GABRG3: variants seen among roughly 807,000 people sequenced by gnomAD.
The protein encoded by GABRG3 is gamma-aminobutyric acid type A receptor subunit gamma3.
GABRG3 carries 25 observed loss-of-function variants against 48.8 expected under a neutral mutation model. The observed-to-expected ratio is 0.51, with a 90% CI of 0.37 to 0.72. The LOEUF is 0.72. GABRG3 is among the 30% of genes least tolerant of loss of function. The pLI is 0.00. For missense variants in GABRG3, 394 were observed against 577.9 expected (o/e 0.68, Z 3.26); for synonymous variants, 227 against 217.6 (o/e 1.04, Z -0.38).
rs1307876293 is a variant in GABRG3, at chr15:27,447,830, A to G, written c.575-32820A>G. ...AACACATGGACACAGGGAGGGGAAC[A>G]TCACACACCAGGGCCTGTCAGGGGT... is the stretch of plus-strand genomic sequence containing the variant. On this transcript the variant is annotated intron_variant, in intron 5 of 9. Coordinates refer to ENST00000615808, the MANE Select transcript of GABRG3 (RefSeq NM_033223.5). This position sits in a 1 kb window ranked among gnomAD's most constrained non-coding sequence, Gnocchi z 4.0. Among the ~76,000 whole-genome samples, 7 of 152,140 alleles carry G rather than the reference A, an allele frequency of 4.6e-5. No homozygotes were observed. Among genetic ancestry groups the G allele is most frequent in the Non-Finnish European group, 8.8e-5 (6 of 68,020 alleles).
At chr15:27,393,284 C>T (rs112024342) in intron 5 of GABRG3, among the ~76,000 whole-genome samples, 3 of 149,026 alleles carry the variant, frequency 2.0e-5, no homozygotes, top group African/African-American at 7.5e-5. Flanking sequence ...GTGGAGCTTG[C>T]AGTGAGCTGA....
At chr15:27,094,521 T>G (rs1024203845) in intron 3 of GABRG3, among the ~76,000 whole-genome samples, 6 of 152,190 alleles carry the variant, frequency 3.9e-5, no homozygotes, top group African/African-American at 1.4e-4. Context: ...CCTTCCTGGA[T>G]TCTAAGAAAA....
At chr15:27,354,907 A>G (rs1173040181) in intron 5 of GABRG3, among the ~76,000 whole-genome samples, 2 of 152,220 alleles carry the variant, frequency 1.3e-5, no homozygotes, top group East Asian at 3.9e-4. Context: ...AAGATTCCTA[A>G]ATGAACATTT....
intron 3 of GABRG3, among the ~76,000 whole-genome samples, chr15:27,086,232 G>A (rs1049830394): frequency 1.6e-4 from 25 of 152,014 alleles, no homozygotes; most frequent in African/African-American, 4.6e-4. Flanking sequence ...TTCCCTAGGA[G>A]CAGGAGGAGG....
At chr15:27,099,602 C>T (rs528551119) in intron 3 of GABRG3, among the ~76,000 whole-genome samples, 24 of 152,100 alleles carry the variant, frequency 1.6e-4, no homozygotes, top group African/African-American at 5.1e-4. Flanking sequence ...CTTTAACATT[C>T]GAATTTTGGA....
intron 3 of GABRG3, among the ~76,000 whole-genome samples, chr15:27,166,233 AC>A (rs1442289424): frequency 1.3e-5 from 2 of 152,190 alleles, no homozygotes; most frequent in Admixed American, 1.3e-4. Flanking sequence ...TTCAGAAATA[AC>A]AGAGGGGAAA....
chr15:27,050,391 C>T (rs1036348016), intron 3 of GABRG3, among the ~76,000 whole-genome samples: 2 of 152,182 alleles, frequency 1.3e-5, no homozygotes, highest in African/African-American at 4.8e-5. Flanking sequence ...GTCCCTTTCT[C>T]GCAGGCACAG....
At chr15:27,370,357 G>A (rs1895367919) in intron 5 of GABRG3, among the ~76,000 whole-genome samples, 1 of 152,206 alleles carries the variant, frequency 6.6e-6, no homozygotes, top group Admixed American at 6.5e-5. Flanking sequence ...TAGCCACTTA[G>A]CCTGCTCATG....
At chr15:27,336,185 G>A (rs774791587) in intron 5 of GABRG3, among the ~76,000 whole-genome samples, 18 of 144,414 alleles carry the variant, frequency 1.2e-4, no homozygotes, top group Middle Eastern at 3.5e-3. Flanking sequence ...GCAAGAGTCA[G>A]TATGAAAAGA....
intron 3 of GABRG3, 76 bp from the exon 4 acceptor site, chr15:27,326,733 C>T (rs754790889): frequency 2.6e-5 from 31 of 1,206,186 alleles, no homozygotes; most frequent in Middle Eastern, 2.0e-4. Context: ...GAGAACACAA[C>T]GTTTGACAAA....
At chr15:27,015,026 T>G in intron 2 of GABRG3, among the ~76,000 whole-genome samples, 1 of 152,226 alleles carries the variant, frequency 6.6e-6, no homozygotes, top group East Asian at 1.9e-4. Context: ...AACAATCTTC[T>G]TTGTGTCTTG....
intron 7 of GABRG3, among the ~76,000 whole-genome samples, chr15:27,522,938 C>T (rs1007216630): frequency 1.3e-5 from 2 of 151,706 alleles, no homozygotes; most frequent in Admixed American, 1.3e-4. Flanking sequence ...CAGTCAACAA[C>T]CAAAAAGCCA....
intron 5 of GABRG3, among the ~76,000 whole-genome samples, chr15:27,337,257 CTGAT>C (rs1894006517): frequency 6.6e-6 from 1 of 152,040 alleles, no homozygotes; most frequent in Non-Finnish European, 1.5e-5. Flanking sequence ...TCATAGCTGT[CTGAT>C]TGAAATACAA....
Position 27,125,402 on chromosome 15 carries a change from G to A in GABRG3, c.270+98581G>A, listed in dbSNP as rs564194862. On this transcript the variant is annotated intron_variant, in intron 3 of 9. Coordinates refer to ENST00000615808, the MANE Select transcript of GABRG3 (RefSeq NM_033223.5). ...GTTTGTTAATGCGCACAAAGTTATA[G>A]CCAAATAGGAATGAGTGCTGCAGGG... Among the ~76,000 whole-genome samples, 12 of 152,244 alleles carry A rather than the reference G, an allele frequency of 7.9e-5. 2 individuals are homozygous for A. Among genetic ancestry groups the A allele is most frequent in the African/African-American group, 2.9e-4 (12 of 41,556 alleles).
chr15:27,265,925 G>C (rs1566986184), intron 3 of GABRG3, among the ~76,000 whole-genome samples: 1 of 124,990 alleles, frequency 8.0e-6, no homozygotes, highest in Non-Finnish European at 1.6e-5. Context: ...TTGTTGCTTA[G>C]GCTGGAGTGC....
At chr15:27,494,642 T>C (rs1297572559) in intron 6 of GABRG3, among the ~76,000 whole-genome samples, 2 of 152,196 alleles carry the variant, frequency 1.3e-5, no homozygotes, top group East Asian at 3.9e-4. Context: ...GTTGTTACAC[T>C]ATTCCCTGAT....
At chr15:27,283,358 C>A (rs1595636601) in intron 3 of GABRG3, among the ~76,000 whole-genome samples, 1 of 152,172 alleles carries the variant, frequency 6.6e-6, no homozygotes, top group Non-Finnish European at 1.5e-5. Flanking sequence ...AATCCCAGCA[C>A]TTTGGGAGGC....
At chr15:27,385,036 G>A (rs922930120) in intron 5 of GABRG3, among the ~76,000 whole-genome samples, 9 of 152,000 alleles carry the variant, frequency 5.9e-5, no homozygotes, top group Admixed American at 2.0e-4. Context: ...TTATTATCCC[G>A]AAAATGTTCC....
chr15:27,256,487 T>G, intron 3 of GABRG3, among the ~76,000 whole-genome samples: 1 of 82,350 alleles, frequency 1.2e-5, no homozygotes, highest in Non-Finnish European at 2.2e-5. Context: ...GCTCTTATGT[T>G]AAGGGTAGGG....
Sources: allele counts gnomAD v4.1 joint callset (sites outside exome capture counted in the v4.1 genomes callset), GRCh38; gene constraint gnomAD v4.1.1; non-coding constraint Gnocchi (gnomAD v3.1); transcripts MANE v1.5; gene names NCBI Gene and HGNC (gene_info 2026-07-23, HGNC 2026-07-21).